The following SMC2 variants were observed in gnomAD, a reference collection of about 807,000 sequenced individuals.
SMC2 encodes structural maintenance of chromosomes protein 2.
SMC2 carries 41 observed loss-of-function variants against 142.6 expected under a neutral mutation model. The ratio of observed to expected loss-of-function variants is 0.29; its 90% CI spans 0.22 to 0.37. The LOEUF (loss-of-function observed/expected upper bound fraction) is 0.37. Ranked by LOEUF, SMC2 falls within the 10% of genes least tolerant of loss-of-function variation. The probability of loss-of-function intolerance (pLI) is 1.00; values close to 1 mark genes in which losing one functional copy is unlikely to be tolerated. For synonymous variants in SMC2, 463 were observed against 457.5 expected, an observed-to-expected ratio of 1.01 and a Z score of -0.15; for missense variants, 1,265 against 1,373.7, an observed-to-expected ratio of 0.92 and a Z score of 1.25.
intron 9 of SMC2, 133 bp downstream of exon 9, chr9:104,102,706 A>G: frequency 1.2e-6 from 1 of 867,508 alleles, no homozygotes. Context: ...GGCTGTGGTT[A>G]CAACTGGACC....
intron 9 of SMC2, among the ~76,000 whole-genome samples, chr9:104,109,231 C>T (rs1048866157): frequency 6.6e-6 from 1 of 152,170 alleles, no homozygotes; most frequent in Admixed American, 6.5e-5. Context: ...ACTACCCAAA[C>T]CCACCTGAGT....
chr9:104,120,203 A>T (rs773760623), intron 16 of SMC2, 41 bp downstream of exon 16: 17 of 1,498,700 alleles, frequency 1.1e-5, no homozygotes, highest in Non-Finnish European at 2.7e-6. Context: ...AGATTTGCAT[A>T]GTAGAAAATG....
upstream of SMC2, chr9:104,092,365 T>C (rs984833119): frequency 1.3e-5 from 2 of 152,226 alleles, no homozygotes; most frequent in African/African-American, 4.8e-5. Context: ...CAGCTAGTTG[T>C]TAAAGTGCAA....
At chr9:104,102,713 G>A in intron 9 of SMC2, 140 bp downstream of exon 9, 1 of 790,012 alleles carries the variant, frequency 1.3e-6, no homozygotes, top group East Asian at 3.1e-5. Context: ...GTTACAACTG[G>A]ACCAAATGGT....
rs564171583 is a variant in SMC2, at chr9:104,129,667, A to G, written c.2813A>G (p.Tyr938Cys). The change falls in exon 21 of 25, where the codon TAT (tyrosine) becomes TGT (cysteine). Residue 938 changes from tyrosine to cysteine, a missense_variant. Around this residue, in one of 4 missense-constraint regions of SMC2, gnomAD observed 898 missense variants for 904.2 expected, o/e 0.99. Coordinates refer to ENST00000374793, the MANE Select transcript of SMC2 (RefSeq NM_006444.3). ...TAGGTATCCAAAATGTTGAAAGATT[A>G]TGACTGGATTAATGCAGAGAGACAC... ...AAKVSKMLKD[Y>C]DWINAERHLF... The G allele has an allele frequency of 9.3e-6, 15 of 1,613,942 alleles. No individual in the cohort carries two copies. The East Asian group carries it at 2.9e-4, about 31-fold the overall frequency.
At chr9:104,130,451 A>ATATTAATGCCCC (rs796637288) in intron 21 of SMC2, among the ~76,000 whole-genome samples, 2 of 152,154 alleles carry the variant, frequency 1.3e-5, no homozygotes, top group African/African-American at 2.4e-5. Flanking sequence ...TAGTAATTTT[A>ATATTAATGCCCC]TATTAATGCC....
chr9:104,132,321 G>A (rs141562071), intron 22 of SMC2, among the ~76,000 whole-genome samples, 196 bp downstream of exon 22: 11 of 152,126 alleles, frequency 7.2e-5, no homozygotes, highest in Non-Finnish European at 1.3e-4. Context: ...TGGCATTCTT[G>A]TACTTCTGTA....
upstream of SMC2, among the ~76,000 whole-genome samples, chr9:104,089,518 C>T (rs1829961901): frequency 6.6e-6 from 1 of 152,002 alleles, no homozygotes; most frequent in South Asian, 2.1e-4. Flanking sequence ...AGGGGTATGA[C>T]AAAGCAGATG....
At chr9:104,105,466 G>A (rs984297140) in intron 9 of SMC2, among the ~76,000 whole-genome samples, 3 of 152,120 alleles carry the variant, frequency 2.0e-5, no homozygotes, top group Non-Finnish European at 4.4e-5. Flanking sequence ...TTCATGGGTA[G>A]GGAGGCATTG....
Position 104,124,900 on chromosome 9 carries a change from T to C in SMC2, c.2258-12T>C. The C allele has an allele frequency of 6.4e-7, 1 of 1,570,218 alleles. No individual in the cohort carries two copies. Among genetic ancestry groups the C allele is most frequent in the Non-Finnish European group, 8.6e-7 (1 of 1,168,146 alleles). On this transcript the variant is annotated splice_polypyrimidine_tract_variant and intron_variant, in intron 17 of 24. Transcript: ENST00000374793. ...TGTTAACTTAGCCACATTTGCTTAC[T>C]TTGTGATGCAGAGGAAAGTGAGGAG...
At chr9:104,130,570 T>A (rs1834852135) in intron 21 of SMC2, among the ~76,000 whole-genome samples, 1 of 151,586 alleles carries the variant, frequency 6.6e-6, no homozygotes, top group African/African-American at 2.4e-5. Flanking sequence ...ACAGTTACTT[T>A]GAAGAAATTT....
chr9:104,088,310 A>G, the SMC2 span, among the ~76,000 whole-genome samples: 1 of 152,208 alleles, frequency 6.6e-6, no homozygotes, highest in East Asian at 1.9e-4. Flanking sequence ...TGAGCAGCAA[A>G]TGAACCCCAT....
At chr9:104,091,167 G>A (rs1179244129), upstream of SMC2, among the ~76,000 whole-genome samples, 1 of 152,164 alleles carries the variant, frequency 6.6e-6, no homozygotes, top group African/African-American at 2.4e-5. Flanking sequence ...GCCTAACGAC[G>A]AGATACGTTC....
chr9:104,127,213 G>C (rs1834408568), intron 19 of SMC2, 73 bp from the exon 20 acceptor site: 1 of 1,206,942 alleles, frequency 8.3e-7, no homozygotes, highest in African/African-American at 1.5e-5. Context: ...GGATCTGTCA[G>C]ATAATTGTTT....
intron 23 of SMC2, among the ~76,000 whole-genome samples, chr9:104,136,991 T>C (rs956218233): frequency 2.6e-5 from 4 of 151,996 alleles, no homozygotes; most frequent in African/African-American, 9.7e-5. Flanking sequence ...CAACTAAAAC[T>C]ACAAAAATTA....
chr9:104,113,485 T>G lies in SMC2; in HGVS notation c.1414+10T>G, dbSNP rs373433380. 1 of 1,586,830 alleles carries G rather than the reference T, an allele frequency of 6.3e-7. No individual in the cohort carries two copies. The highest frequency in any genetic ancestry group is 1.4e-5 in the African/African-American group (1 of 73,164). On this transcript the variant is annotated intron_variant, in intron 11 of 24. Transcript: ENST00000374793. ...AAGCTAAATTATGAAGGTTTGCCTT[T>G]AAAAACATGATAATCAGATCATGAG... is the stretch of plus-strand genomic sequence containing the variant.
intron 2 of SMC2, 69 bp downstream of exon 2, chr9:104,095,621 C>A: frequency 3.2e-6 from 4 of 1,240,178 alleles, no homozygotes; most frequent in South Asian, 1.3e-5. Flanking sequence ...ACTTTGGAGA[C>A]GTCCCGATAT....
intron 4 of SMC2, among the ~76,000 whole-genome samples, chr9:104,099,203 T>C (rs1830838167): frequency 6.6e-6 from 1 of 152,160 alleles, no homozygotes. Context: ...TTTCTGGCAT[T>C]GATGTAAAAT....
chr9:104,116,343 A>G (rs769425283), intron 14 of SMC2, 24 bp downstream of exon 14: 16 of 1,584,874 alleles, frequency 1.0e-5, no homozygotes, highest in Non-Finnish European at 1.4e-5. Flanking sequence ...TGTCTTATTT[A>G]TATGTTTAAT....
Sources: allele counts gnomAD v4.1 joint callset (sites outside exome capture counted in the v4.1 genomes callset), GRCh38; gene constraint gnomAD v4.1.1; regional missense constraint gnomAD v4.1.1; transcripts MANE v1.5; gene names NCBI Gene and HGNC (gene_info 2026-07-23, HGNC 2026-07-21).